Variants in RIMS4 observed in about 807,000 individuals in gnomAD.
RIMS4 encodes the protein regulating synaptic membrane exocytosis protein 4.
Under a neutral mutation model 29.0 loss-of-function variants are expected in RIMS4, and 9 were observed. The observed-to-expected ratio is 0.31, with a 90% CI of 0.19 to 0.54. The LOEUF is 0.54. RIMS4 is among the 20% of genes least tolerant of loss of function. The probability of loss-of-function intolerance (pLI) is 0.94; values close to 1 mark genes in which losing one functional copy is unlikely to be tolerated. For missense variants in RIMS4, 193 were observed against 365.7 expected (o/e 0.53, Z 3.85); for synonymous variants, 130 against 152.9 (o/e 0.85, Z 1.10).
chr20:44,778,123 T>A (rs2066168414), intron 1 of RIMS4, among the ~76,000 whole-genome samples: 1 of 152,210 alleles, frequency 6.6e-6, no homozygotes, highest in Non-Finnish European at 1.5e-5. Context: ...CTGAGAGCCA[T>A]CTGCAGATAC....
intron 1 of RIMS4, among the ~76,000 whole-genome samples, chr20:44,780,760 C>A (rs1378186488): frequency 6.6e-6 from 1 of 152,148 alleles, no homozygotes; most frequent in Non-Finnish European, 1.5e-5. Context: ...TTACGCTGCT[C>A]TACACTGGAG....
intron 1 of RIMS4, among the ~76,000 whole-genome samples, chr20:44,772,733 C>A (rs2066142496): frequency 6.6e-6 from 1 of 152,130 alleles, no homozygotes; most frequent in Non-Finnish European, 1.5e-5. Context: ...GGGCTGATTC[C>A]CAAGAGGATC....
chr20:44,774,890 CCT>C (rs1201181569), intron 1 of RIMS4, among the ~76,000 whole-genome samples: 1 of 152,128 alleles, frequency 6.6e-6, no homozygotes, highest in Non-Finnish European at 1.5e-5. Context: ...AGTTCTCCCA[CCT>C]CTTTCACCAA....
chr20:44,760,321 G>C (rs990328246), intron 2 of RIMS4, among the ~76,000 whole-genome samples: 5 of 152,178 alleles, frequency 3.3e-5, no homozygotes, highest in African/African-American at 1.2e-4. Context: ...GAAAAGGGCA[G>C]AACACTTTAC....
intron 2 of RIMS4, among the ~76,000 whole-genome samples, chr20:44,770,091 T>C (rs1025784203): frequency 6.6e-6 from 1 of 152,090 alleles, no homozygotes; most frequent in African/African-American, 2.4e-5. Context: ...TTCTGGACAG[T>C]TGTGGAATTT....
intron 1 of RIMS4, among the ~76,000 whole-genome samples, chr20:44,789,868 T>C (rs1425406598): frequency 6.6e-6 from 1 of 152,108 alleles, no homozygotes; most frequent in Non-Finnish European, 1.5e-5. Flanking sequence ...CAGCCCAACA[T>C]GTGAAGATTA....
In RIMS4 at chr20:44,754,366, T is replaced by A. The variant is rs770008703; in HGVS notation, c.*1768A>T. On this transcript the variant is annotated 3_prime_UTR_variant, in exon 6 of 6. Transcript: ENST00000372851. ...TCCACAGGCTAAGGGAAGGGAAGAA[T>A]TTCCGGGTGGAAGGAGTTGCCTGGT... 1 of 156,686 alleles carries A rather than the reference T, an allele frequency of 6.4e-6. No individual in the cohort carries two copies. Among genetic ancestry groups the A allele is most frequent in the Non-Finnish European group, 1.4e-5 (1 of 69,790 alleles). 9.7% of individuals were successfully genotyped at this position (156,686 alleles called of 1,614,324 possible).
At chr20:44,804,513 A>G (rs1470517678) in intron 1 of RIMS4, among the ~76,000 whole-genome samples, 2 of 152,226 alleles carry the variant, frequency 1.3e-5, no homozygotes, top group African/African-American at 2.4e-5. Flanking sequence ...TTTAAAAGAC[A>G]TGATGAAATG....
intron 1 of RIMS4, among the ~76,000 whole-genome samples, chr20:44,789,972 C>G (rs919083396): frequency 1.3e-5 from 2 of 152,204 alleles, no homozygotes; most frequent in South Asian, 2.1e-4. Context: ...CTAGAGGCAC[C>G]CAAGGGAGAA....
intron 2 of RIMS4, among the ~76,000 whole-genome samples, chr20:44,770,128 T>A (rs910893664): frequency 1.3e-5 from 2 of 152,166 alleles, no homozygotes; most frequent in Admixed American, 1.3e-4. Flanking sequence ...AGTCTTCCCA[T>A]GTGCACAAGA....
In RIMS4 at chr20:44,756,371, A is replaced by G. The variant is rs200656341; in HGVS notation, c.592-19T>C. ...CGATCACCTGTGGGGCAAGAGACAC[A>G]GTGGTTCAAATCCTGCCAGTGCCAC... On this transcript the variant is annotated intron_variant, in intron 5 of 5. Transcript: ENST00000372851. This position sits in a 1 kb window ranked among gnomAD's most constrained non-coding sequence, Gnocchi z 5.9. 1.6e-5 allele frequency: 26 copies of G among 1,606,422 alleles called. No individual in the cohort carries two copies. Among genetic ancestry groups the G allele is most frequent in the Admixed American group, 5.0e-5 (3 of 59,558 alleles).
intron 1 of RIMS4, among the ~76,000 whole-genome samples, chr20:44,802,603 A>C (rs963335616): frequency 1.3e-5 from 2 of 152,182 alleles, no homozygotes; most frequent in African/African-American, 4.8e-5. Context: ...AGTGCCTTCC[A>C]GCTACAGCGT....
chr20:44,779,259 T>C (rs2066173466), intron 1 of RIMS4, among the ~76,000 whole-genome samples: 1 of 152,218 alleles, frequency 6.6e-6, no homozygotes, highest in Non-Finnish European at 1.5e-5. Context: ...CAGGATAATA[T>C]ACATAAAGAA....
chr20:44,765,951 A>C (rs1483141754), intron 2 of RIMS4, among the ~76,000 whole-genome samples: 1 of 152,126 alleles, frequency 6.6e-6, no homozygotes, highest in Non-Finnish European at 1.5e-5. Flanking sequence ...CTGCTCACAC[A>C]CACCCACCTA....
In RIMS4 at chr20:44,796,418, GGGA is replaced by G. The variant is rs997123427; in HGVS notation, c.97+13754_97+13756del. On this transcript the variant is annotated intron_variant, in intron 1 of 5. Coordinates refer to ENST00000372851, the MANE Select transcript of RIMS4 (RefSeq NM_182970.4). ...GGAGAAGAAAGAAGGAAATAGAGTG[GGGA>G]GGAAGGAGAGGAGAGAGAAGGGGAG... Among the ~76,000 whole-genome samples the G allele has an allele frequency of 2.4e-4, 36 of 152,304 alleles. No homozygotes were observed. In the East Asian group the frequency reaches 6.8e-3, roughly 29 times the overall value.
At chr20:44,762,082 T>A (rs2066087871) in intron 2 of RIMS4, among the ~76,000 whole-genome samples, 1 of 152,186 alleles carries the variant, frequency 6.6e-6, no homozygotes, top group African/African-American at 2.4e-5. Flanking sequence ...CCTCAGATCA[T>A]CAGGCATTAG....
In RIMS4 at chr20:44,775,158, C is replaced by T. The variant is rs573676577; in HGVS notation, c.98-3745G>A. On this transcript the variant is annotated intron_variant, in intron 1 of 5. Coordinates refer to ENST00000372851, the MANE Select transcript of RIMS4 (RefSeq NM_182970.4). ...GTTAAACACGCTTCTAAGTGCTGCA[C>T]CTGCTGATAAAACACACTGACGGGA... is the stretch of plus-strand genomic sequence containing the variant. Among the ~76,000 whole-genome samples the T allele has an allele frequency of 1.5e-4, 23 of 152,284 alleles. No individual in the cohort carries two copies. In the South Asian group the frequency reaches 3.1e-3, roughly 21 times the overall value.
intron 2 of RIMS4, among the ~76,000 whole-genome samples, chr20:44,761,727 C>T (rs999705848): frequency 6.6e-6 from 1 of 152,220 alleles, no homozygotes; most frequent in African/African-American, 2.4e-5. Flanking sequence ...CCACTTGAAT[C>T]TTTGAATCAG....
chr20:44,752,592 G>C lies in RIMS4; in HGVS notation c.*3542C>G, dbSNP rs1184954516. 1.3e-5 allele frequency: 2 copies of C among 152,374 alleles called. No individual in the cohort carries two copies. Among genetic ancestry groups the C allele is most frequent in the Non-Finnish European group, 2.9e-5 (2 of 68,174 alleles). 9.4% of individuals were successfully genotyped at this position (152,374 alleles called of 1,614,324 possible). On this transcript the variant is annotated 3_prime_UTR_variant, in exon 6 of 6. Transcript: ENST00000372851. ...GCTTTGAAATGGGGATGACGGCACA[G>C]GCCACCACCTACTCCCCAGGGGCTC...
Sources: gnomAD v4.1 joint callset for allele counts (sites outside exome capture counted in the v4.1 genomes callset) on GRCh38, gnomAD v4.1.1 for gene constraint, Gnocchi (gnomAD v3.1) non-coding constraint, MANE v1.5 for transcripts, NCBI Gene and HGNC (gene_info 2026-07-23, HGNC 2026-07-21) for gene names.